Variants in ADAMTSL1 observed in about 807,000 individuals in gnomAD.
ADAMTSL1 encodes ADAMTS-like protein 1.
ADAMTSL1 carries 126 observed loss-of-function variants against 201.8 expected under a neutral mutation model. That is an observed-to-expected ratio of 0.62 (90% CI 0.54 to 0.72). The LOEUF (loss-of-function observed/expected upper bound fraction) is 0.72, where lower values mean the gene tolerates loss of function less well. ADAMTSL1 is among the 30% of genes least tolerant of loss of function. The pLI is 0.00. For synonymous variants in ADAMTSL1, 1,121 were observed against 903.4 expected (o/e 1.24, Z -4.32); for missense variants, 2,679 against 2,277.8 (o/e 1.18, Z -3.59).
intron 3 of ADAMTSL1, among the ~76,000 whole-genome samples, chr9:18,550,305 T>G (rs779075243): frequency 4.0e-5 from 6 of 151,736 alleles, no homozygotes; most frequent in Non-Finnish European, 7.4e-5. Context: ...TATCCTGGAG[T>G]ATTCAGGTGA....
chr9:18,344,613 T>A (rs917740778), intron 2 of ADAMTSL1, among the ~76,000 whole-genome samples: 4 of 152,150 alleles, frequency 2.6e-5, no homozygotes, highest in African/African-American at 9.7e-5. Context: ...AGAAGTCCAA[T>A]CCCAAGTGTG....
At chr9:18,482,574 A>G (rs528093198) in intron 1 of ADAMTSL1, among the ~76,000 whole-genome samples, 12 of 152,220 alleles carry the variant, frequency 7.9e-5, no homozygotes, top group Non-Finnish European at 1.0e-4. Context: ...CAAGAGCACT[A>G]CAGAAATGAG....
intron 3 of ADAMTSL1, among the ~76,000 whole-genome samples, chr9:18,563,602 C>G (rs1821680537): frequency 6.6e-6 from 1 of 152,202 alleles, no homozygotes; most frequent in African/African-American, 2.4e-5. Context: ...TCTGCTGAAG[C>G]CGCACCCACA....
At chr9:18,309,091 A>T (rs77530540) in intron 2 of ADAMTSL1, among the ~76,000 whole-genome samples, 10,413 of 152,254 alleles carry the variant, frequency 0.068, 1,157 homozygotes, top group African/African-American at 0.23. Context: ...AAACCACATG[A>T]TTATCTCAAT....
chr9:18,173,803 C>T (rs776903981), intron 2 of ADAMTSL1, among the ~76,000 whole-genome samples: 4 of 152,096 alleles, frequency 2.6e-5, no homozygotes, highest in Non-Finnish European at 5.9e-5. Context: ...TTTTATTACT[C>T]TTTTGGGGGG....
intron 2 of ADAMTSL1, among the ~76,000 whole-genome samples, chr9:18,182,704 G>A (rs1828552634): frequency 6.6e-6 from 1 of 152,172 alleles, no homozygotes; most frequent in African/African-American, 2.4e-5. Context: ...TGACATAATG[G>A]CAGACATTTC....
chr9:18,854,664 G>T (rs894620731), intron 23 of ADAMTSL1, among the ~76,000 whole-genome samples: 1 of 152,174 alleles, frequency 6.6e-6, no homozygotes, highest in African/African-American at 2.4e-5. Flanking sequence ...CAGAGAGAAA[G>T]AGCTAGAGAA....
intron 1 of ADAMTSL1, among the ~76,000 whole-genome samples, chr9:18,147,719 A>T (rs28678582): frequency 6.6e-6 from 1 of 152,150 alleles, no homozygotes. Flanking sequence ...GACCAAAGCA[A>T]CTGTAGAAAC....
At chr9:18,488,837 C>G (rs1822126435) in intron 1 of ADAMTSL1, among the ~76,000 whole-genome samples, 1 of 152,176 alleles carries the variant, frequency 6.6e-6, no homozygotes, top group African/African-American at 2.4e-5. Flanking sequence ...CATGCAATCT[C>G]AAAGAAAGGG....
At chr9:18,502,919 TTAA>T (rs1223537854) in intron 1 of ADAMTSL1, among the ~76,000 whole-genome samples, 1 of 151,952 alleles carries the variant, frequency 6.6e-6, no homozygotes, top group Non-Finnish European at 1.5e-5. Context: ...TTAATAATAA[TTAA>T]TAAATAATGT....
intron 2 of ADAMTSL1, among the ~76,000 whole-genome samples, chr9:18,166,419 A>G (rs1827636162): frequency 6.6e-6 from 1 of 151,994 alleles, no homozygotes; most frequent in African/African-American, 2.4e-5. Context: ...GGCCTTATAA[A>G]TGTGAACATC....
chr9:18,730,573 T>C (rs1484326396), intron 15 of ADAMTSL1, among the ~76,000 whole-genome samples: 2 of 151,962 alleles, frequency 1.3e-5, no homozygotes, highest in Non-Finnish European at 1.5e-5. Context: ...TTCCATTCCC[T>C]TTCTCTTCTT....
intron 1 of ADAMTSL1, among the ~76,000 whole-genome samples, chr9:18,146,306 T>C (rs1480036498): frequency 6.6e-6 from 1 of 152,182 alleles, no homozygotes; most frequent in Non-Finnish European, 1.5e-5. Flanking sequence ...CAGATATTTA[T>C]GGCAGCTTTA....
intron 2 of ADAMTSL1, among the ~76,000 whole-genome samples, chr9:18,449,525 A>G (rs1224935167): frequency 3.9e-5 from 6 of 152,112 alleles, no homozygotes; most frequent in Admixed American, 1.3e-4. Context: ...ATTGAAATAT[A>G]GCTAATATAT....
chr9:18,825,431 C>T (rs572385217), intron 21 of ADAMTSL1, among the ~76,000 whole-genome samples: 3 of 152,180 alleles, frequency 2.0e-5, no homozygotes, highest in African/African-American at 4.8e-5. Flanking sequence ...ACTGATACTA[C>T]CATTTCATGT....
intron 13 of ADAMTSL1, among the ~76,000 whole-genome samples, chr9:18,704,823 A>G (rs1832136207): frequency 6.6e-6 from 1 of 152,176 alleles, no homozygotes; most frequent in African/African-American, 2.4e-5. Flanking sequence ...TAAAAGGGTG[A>G]GAGGGAGGTG....
At chr9:18,296,084 T>A (rs1833467174) in intron 2 of ADAMTSL1, among the ~76,000 whole-genome samples, 1 of 152,194 alleles carries the variant, frequency 6.6e-6, no homozygotes, top group Non-Finnish European at 1.5e-5. Flanking sequence ...GCCTAACTTT[T>A]AGTTGACAGA....
intron 1 of ADAMTSL1, among the ~76,000 whole-genome samples, chr9:18,016,125 A>AAG: frequency 6.6e-6 from 1 of 152,156 alleles, no homozygotes; most frequent in Non-Finnish European, 1.5e-5. Context: ...GGGTAAACAT[A>AAG]AGAGAGAGAG....
intron 4 of ADAMTSL1, among the ~76,000 whole-genome samples, chr9:18,614,679 A>C (rs75875759): frequency 0.12 from 18,549 of 151,820 alleles, 1,253 homozygotes; most frequent in Middle Eastern, 0.18. Context: ...TCTGATTAAA[A>C]CCCCTCACCC....
Sources: gnomAD v4.1 joint callset for allele counts (sites outside exome capture counted in the v4.1 genomes callset) on GRCh38, gnomAD v4.1.1 for gene constraint, MANE v1.5 for transcripts, NCBI Gene and HGNC (gene_info 2026-07-23, HGNC 2026-07-21) for gene names.